NKAIN3: variants seen among roughly 807,000 people sequenced by gnomAD.
NKAIN3 encodes sodium/potassium-transporting ATPase subunit beta-1-interacting protein 3.
In NKAIN3, 25 loss-of-function variants were observed where a neutral mutation model predicts 30.2. The observed-to-expected ratio is 0.83, with a 90% confidence interval of 0.60 to 1.16. The LOEUF is 1.16. NKAIN3 is among the 50% of genes most tolerant of loss of function. The probability of loss-of-function intolerance (pLI) is 0.00; values close to 1 mark genes in which losing one functional copy is unlikely to be tolerated. For missense variants in NKAIN3, 225 were observed against 254.1 expected (o/e 0.89, Z 0.78); for synonymous variants, 91 against 89.6 (o/e 1.02, Z -0.09).
intron 1 of NKAIN3, among the ~76,000 whole-genome samples, chr8:62,303,616 T>C (rs1399879346): frequency 2.0e-5 from 3 of 150,650 alleles, no homozygotes; most frequent in Non-Finnish European, 2.9e-5. Context: ...ACTTTATTGC[T>C]TTATCTATCA....
intron 1 of NKAIN3, among the ~76,000 whole-genome samples, chr8:62,539,192 C>G (rs532604649): frequency 6.6e-6 from 1 of 152,200 alleles, no homozygotes; most frequent in Admixed American, 6.5e-5. Flanking sequence ...TCCTTTTGAG[C>G]TTGAATGCAA....
chr8:62,567,606 A>AATG (rs1809797917), intron 1 of NKAIN3, among the ~76,000 whole-genome samples: 8 of 152,116 alleles, frequency 5.3e-5, no homozygotes, highest in Admixed American at 5.2e-4. Flanking sequence ...GAAGGAACAG[A>AATG]ATGATGGTAG....
intron 3 of NKAIN3, among the ~76,000 whole-genome samples, chr8:62,597,793 G>A (rs1343261798): frequency 1.3e-5 from 2 of 151,816 alleles, no homozygotes; most frequent in African/African-American, 4.8e-5. Flanking sequence ...CCAAGTCTAT[G>A]ACTTAACCTC....
chr8:62,862,629 G>C (rs1820286707), intron 4 of NKAIN3, among the ~76,000 whole-genome samples: 1 of 152,020 alleles, frequency 6.6e-6, no homozygotes, highest in Non-Finnish European at 1.5e-5. Flanking sequence ...AAATAAAATA[G>C]ATTCAATAGT....
chr8:62,400,657 A>G (rs1201502556), intron 1 of NKAIN3, among the ~76,000 whole-genome samples: 1 of 151,694 alleles, frequency 6.6e-6, no homozygotes, highest in African/African-American at 2.4e-5. Flanking sequence ...TCATCTTTGA[A>G]GGATAGTTTC....
intron 4 of NKAIN3, among the ~76,000 whole-genome samples, chr8:62,822,884 A>G (rs1818893303): frequency 6.6e-6 from 1 of 152,334 alleles, no homozygotes; most frequent in Middle Eastern, 3.4e-3. Flanking sequence ...CACTTAGGTT[A>G]TATGGCATAG....
intron 1 of NKAIN3, among the ~76,000 whole-genome samples, chr8:62,408,650 A>G (rs1207431096): frequency 6.6e-6 from 1 of 152,146 alleles, no homozygotes; most frequent in East Asian, 1.9e-4. Flanking sequence ...AGGTTTTTCT[A>G]CAATGTTTTT....
intron 3 of NKAIN3, among the ~76,000 whole-genome samples, chr8:62,638,742 C>T (rs1812213615): frequency 6.6e-6 from 1 of 152,120 alleles, no homozygotes; most frequent in Admixed American, 6.6e-5. Flanking sequence ...CCTGACCCCA[C>T]AACCATATAT....
At chr8:62,558,402 G>A (rs1339543831) in intron 1 of NKAIN3, among the ~76,000 whole-genome samples, 1 of 151,920 alleles carries the variant, frequency 6.6e-6, no homozygotes, top group Non-Finnish European at 1.5e-5. Flanking sequence ...CTCTTTTTTG[G>A]TTCCATATGA....
chr8:62,600,056 T>C (rs1585995049), intron 3 of NKAIN3, among the ~76,000 whole-genome samples: 1 of 152,202 alleles, frequency 6.6e-6, no homozygotes, highest in South Asian at 2.1e-4. Context: ...AAGAAATTAG[T>C]CCAATCTGTC....
At position 62,873,257 on chromosome 8, in the gene NKAIN3, G is replaced by A. The variant is rs1208590405; in HGVS notation, c.472-45196G>A. 2.0e-5 allele frequency among the ~76,000 whole-genome samples: 3 copies of A among 152,102 alleles called. No homozygotes were observed. In the East Asian group the frequency reaches 5.8e-4, roughly 29 times the overall value. On this transcript the variant is annotated intron_variant, in intron 4 of 6. Transcript: ENST00000623646. ...AGACAAGGAAGGGCATTACATAATG[G>A]TAAAGGGAATAATTCAACAAGAAGA...
intron 1 of NKAIN3, among the ~76,000 whole-genome samples, chr8:62,369,831 C>G (rs1425442555): frequency 6.6e-6 from 1 of 151,732 alleles, no homozygotes; most frequent in East Asian, 1.9e-4. Flanking sequence ...GCCTATCTCA[C>G]TGTTTCTTTG....
chr8:62,490,336 G>A (rs1385309319), intron 1 of NKAIN3, among the ~76,000 whole-genome samples: 2 of 152,130 alleles, frequency 1.3e-5, no homozygotes, highest in African/African-American at 4.8e-5. Context: ...CCTGCCTTAC[G>A]AAGTTCAGAC....
intron 1 of NKAIN3, among the ~76,000 whole-genome samples, chr8:62,251,821 A>G (rs1812112624): frequency 6.6e-6 from 1 of 152,202 alleles, no homozygotes; most frequent in Non-Finnish European, 1.5e-5. Context: ...TTTCAAGTAT[A>G]CTTTATATAG....
At chr8:62,933,321 A>G (rs561484327) in intron 5 of NKAIN3, among the ~76,000 whole-genome samples, 1 of 152,364 alleles carries the variant, frequency 6.6e-6, no homozygotes, top group East Asian at 1.9e-4. Context: ...AAAATTGTGA[A>G]AGCGGACAGT....
intron 4 of NKAIN3, among the ~76,000 whole-genome samples, chr8:62,781,993 G>A (rs1490514826): frequency 6.6e-6 from 1 of 151,966 alleles, no homozygotes; most frequent in Non-Finnish European, 1.5e-5. Flanking sequence ...TTAATTGAGT[G>A]AAAAGACAAC....
chr8:62,822,053 T>C lies in NKAIN3; in HGVS notation c.471+74924T>C, dbSNP rs375257675. Among the ~76,000 whole-genome samples, 6 of 152,246 alleles carry C rather than the reference T, an allele frequency of 3.9e-5. No homozygotes were observed. In the East Asian group the frequency reaches 9.7e-4, roughly 25 times the overall value. The stretch of plus-strand genomic sequence containing the variant: ...TCCCTCCAGGATACAAATTTGAAGA[T>C]TCATTTTTCTCATTACTGGTTTACA... On this transcript the variant is annotated intron_variant, in intron 4 of 6. Coordinates refer to ENST00000623646, the MANE Select transcript of NKAIN3 (RefSeq NM_001304533.3).
chr8:62,572,317 C>A lies in NKAIN3; in HGVS notation c.55-7222C>A, dbSNP rs757539218. Among the ~76,000 whole-genome samples, 23 of 152,336 alleles carry A rather than the reference C, an allele frequency of 1.5e-4. No individual in the cohort carries two copies. In the Middle Eastern group the frequency reaches 0.014, roughly 90 times the overall value. The stretch of plus-strand genomic sequence containing the variant: ...ACAAGTTCCACATCTCCTTCTGAGA[C>A]CACCTTAGCCTGGACCTTGTTGTTC... On this transcript the variant is annotated intron_variant, in intron 1 of 6. Coordinates refer to ENST00000623646, the MANE Select transcript of NKAIN3 (RefSeq NM_001304533.3).
At chr8:62,432,205 A>G (rs1327112062) in intron 1 of NKAIN3, among the ~76,000 whole-genome samples, 1 of 152,098 alleles carries the variant, frequency 6.6e-6, no homozygotes, top group Non-Finnish European at 1.5e-5. Flanking sequence ...AATCATTATG[A>G]TGATTCTTCA....
Sources: allele counts gnomAD v4.1 joint callset (sites outside exome capture counted in the v4.1 genomes callset), GRCh38; gene constraint gnomAD v4.1.1; transcripts MANE v1.5; gene names NCBI Gene and HGNC (gene_info 2026-07-23, HGNC 2026-07-21).